The following MTARC2 variants were observed in gnomAD, a reference collection of about 807,000 sequenced individuals.
MTARC2 encodes the protein mitochondrial amidoxime reducing component 2, also known as MOCO sulphurase C-terminal domain containing 2.
A neutral mutation model predicts 35.6 loss-of-function variants in MTARC2; 27 were observed. The observed-to-expected ratio is 0.76, with a 90% CI of 0.56 to 1.04. The LOEUF (loss-of-function observed/expected upper bound fraction) is 1.04, where lower values mean the gene tolerates loss of function less well. Among genes scored for constraint, MTARC2 ranks in the 50% least tolerant of loss-of-function variants. MTARC2 has a pLI of 0.00. For synonymous variants in MTARC2, 158 were observed against 167.1 expected, an observed-to-expected ratio of 0.95 and a Z score of 0.42; for missense variants, 412 against 432.5, an observed-to-expected ratio of 0.95 and a Z score of 0.42.
chr1:220,755,725 G>C (rs1671260241), intron 2 of MTARC2, among the ~76,000 whole-genome samples: 2 of 152,164 alleles, frequency 1.3e-5, no homozygotes, highest in Non-Finnish European at 2.9e-5. Context: ...CACACTTGCA[G>C]GTCATCAGTC....
chr1:220,762,274 C>T lies in MTARC2; in HGVS notation c.609+454C>T, dbSNP rs72472391. The stretch of plus-strand genomic sequence containing the variant: ...GCCTCCCCCTAAGGAAAACTGTCCC[C>T]TGAGCACCTACAGCACCTGGCAGCT... On this transcript the variant is annotated intron_variant, in intron 3 of 7. Transcript: ENST00000366913. Among the ~76,000 whole-genome samples the T allele has an allele frequency of 5.8e-3, 879 of 152,318 alleles. 9 individuals carry two copies. The East Asian group carries it at 0.06, about 10-fold the overall frequency.
chr1:220,750,427 G>A (rs1429927448), intron 1 of MTARC2, among the ~76,000 whole-genome samples: 1 of 152,160 alleles, frequency 6.6e-6, no homozygotes, highest in Non-Finnish European at 1.5e-5. Context: ...CCTGAAGAAC[G>A]GTTTCTTTCC....
chr1:220,773,959 A>G (rs1671816915), intron 4 of MTARC2, among the ~76,000 whole-genome samples: 1 of 149,112 alleles, frequency 6.7e-6, no homozygotes, highest in African/African-American at 2.5e-5. Flanking sequence ...CCTCTATTAT[A>G]TATAAACACA....
At chr1:220,778,687 G>T (rs1327929924) in intron 4 of MTARC2, among the ~76,000 whole-genome samples, 1 of 152,126 alleles carries the variant, frequency 6.6e-6, no homozygotes, top group Non-Finnish European at 1.5e-5. Flanking sequence ...AAAATATGCC[G>T]CTCCAGCATG....
chr1:220,752,882 T>C (rs1671163154), intron 1 of MTARC2, among the ~76,000 whole-genome samples: 1 of 151,198 alleles, frequency 6.6e-6, no homozygotes, highest in South Asian at 2.1e-4. Context: ...TATAAATATA[T>C]ATAAATGAAT....
At chr1:220,760,060 G>C (rs946660104) in intron 2 of MTARC2, among the ~76,000 whole-genome samples, 4 of 152,160 alleles carry the variant, frequency 2.6e-5, no homozygotes, top group African/African-American at 9.7e-5. Context: ...ATGAGGGTAG[G>C]GGAATCAATT....
chr1:220,780,685 A>G (rs1214488408), intron 6 of MTARC2, among the ~76,000 whole-genome samples: 2 of 152,064 alleles, frequency 1.3e-5, no homozygotes, highest in Non-Finnish European at 2.9e-5. Context: ...TCCTTGCCTC[A>G]GTGATTCGCC....
Position 220,781,885 on chromosome 1 carries a change from T to G in MTARC2, c.992T>G (p.Val331Gly). Residue 331 changes from valine to glycine, a missense_variant, in exon 7 of 8, where the codon GTG (valine) becomes GGG (glycine). Physicochemically the swap from Val to Gly is moderately radical, Grantham distance 109. Coordinates refer to ENST00000366913, the MANE Select transcript of MTARC2 (RefSeq NM_017898.5). ...KIGSLRVGDP[V>G]YRMV ...GGAAGCCTGAGAGTTGGTGACCCTGTGTATCGGATGGTGTAGTGATGAGTG... is the reference window on the plus strand; with the variant it reads ...GGAAGCCTGAGAGTTGGTGACCCTGGGTATCGGATGGTGTAGTGATGAGTG... 6.2e-7 allele frequency: 1 copy of G among 1,614,190 alleles called. No individual in the cohort carries two copies. Among genetic ancestry groups the G allele is most frequent in the Non-Finnish European group, 8.5e-7 (1 of 1,180,016 alleles).
chr1:220,756,200 C>T (rs1044552161), intron 2 of MTARC2: 3 of 152,212 alleles, frequency 2.0e-5, no homozygotes, highest in African/African-American at 4.8e-5. Context: ...ATTAAGAAGA[C>T]TTAGATGCTT....
intron 4 of MTARC2, among the ~76,000 whole-genome samples, chr1:220,764,441 G>A (rs889609634): frequency 6.6e-6 from 1 of 152,098 alleles, no homozygotes; most frequent in Non-Finnish European, 1.5e-5. Context: ...TTTGCACTGA[G>A]CCTTGTATAA....
chr1:220,762,341 G>A (rs72472392), intron 3 of MTARC2, among the ~76,000 whole-genome samples: 5 of 152,282 alleles, frequency 3.3e-5, no homozygotes, highest in African/African-American at 1.2e-4. Context: ...CGACATGTAC[G>A]ATGGTTTATA....
chr1:220,767,602 T>C (rs1231095789), intron 4 of MTARC2, among the ~76,000 whole-genome samples: 1 of 152,228 alleles, frequency 6.6e-6, no homozygotes, highest in African/African-American at 2.4e-5. Context: ...AGTTGGCCAT[T>C]GTGGGGTCAG....
At chr1:220,771,948 T>C (rs7556458) in intron 4 of MTARC2, among the ~76,000 whole-genome samples, 48,450 of 152,132 alleles carry the variant, frequency 0.32, 8,898 homozygotes, top group East Asian at 0.68. Context: ...CATCATACTA[T>C]TAAAAGGTAG....
At chr1:220,769,792 T>C (rs1671685862) in intron 4 of MTARC2, among the ~76,000 whole-genome samples, 2 of 151,518 alleles carry the variant, frequency 1.3e-5, no homozygotes, top group South Asian at 4.2e-4. Context: ...AAGGCACTTT[T>C]TCACAAATGT....
At chr1:220,752,815 C>A (rs758989055) in intron 1 of MTARC2, among the ~76,000 whole-genome samples, 1 of 152,004 alleles carries the variant, frequency 6.6e-6, no homozygotes, top group Non-Finnish European at 1.5e-5. Context: ...CCGCTGTACT[C>A]CAGAGCCTGG....
At chr1:220,778,658 G>A (rs1025238925) in intron 4 of MTARC2, among the ~76,000 whole-genome samples, 1 of 152,152 alleles carries the variant, frequency 6.6e-6, no homozygotes, top group Non-Finnish European at 1.5e-5. Context: ...TATTGAAGGA[G>A]TTAAGATCAC....
chr1:220,763,402 C>CA (rs1049309127), intron 4 of MTARC2, among the ~76,000 whole-genome samples: 16 of 152,290 alleles, frequency 1.1e-4, no homozygotes, highest in African/African-American at 3.9e-4. Flanking sequence ...TATCACTCAG[C>CA]AGAGCTCTCA....
At chr1:220,761,395 G>A (rs969324924) in intron 2 of MTARC2, among the ~76,000 whole-genome samples, 1 of 152,202 alleles carries the variant, frequency 6.6e-6, no homozygotes, top group African/African-American at 2.4e-5. Flanking sequence ...CAGAATCTCA[G>A]ACTCTAACCC....
At chr1:220,782,056 C>T in intron 7 of MTARC2, 124 bp downstream of exon 7, 2 of 880,148 alleles carry the variant, frequency 2.3e-6, no homozygotes, top group Non-Finnish European at 3.3e-6. Flanking sequence ...ATATTCTGAT[C>T]TTTGGAGTTG....
Sources: gnomAD v4.1 joint callset for allele counts (sites outside exome capture counted in the v4.1 genomes callset) on GRCh38, gnomAD v4.1.1 for gene constraint, MANE v1.5 for transcripts, NCBI Gene and HGNC (gene_info 2026-07-23, HGNC 2026-07-21) for gene names.